Variants in PPARD observed in about 807,000 individuals in gnomAD.
PPARD encodes peroxisome proliferator-activated receptor delta.
In PPARD, 6 loss-of-function variants were observed where a neutral mutation model predicts 39.5. That is an observed-to-expected ratio of 0.15 (90% CI 0.08 to 0.30). The LOEUF is 0.30. PPARD is among the 10% of genes least tolerant of loss of function. The probability of loss-of-function intolerance (pLI) is 1.00; values close to 1 mark genes in which losing one functional copy is unlikely to be tolerated. For missense variants in PPARD, 397 were observed against 596.8 expected (o/e 0.67, Z 3.49); for synonymous variants, 210 against 231.3 (o/e 0.91, Z 0.83).
chr6:35,372,988 T>C (rs368746043), intron 2 of PPARD, among the ~76,000 whole-genome samples: 2 of 152,198 alleles, frequency 1.3e-5, no homozygotes, highest in Non-Finnish European at 2.9e-5. Context: ...GATCAAGGCA[T>C]TGGCAGACTT....
At chr6:35,411,822 C>T (rs1182271838) in intron 3 of PPARD, among the ~76,000 whole-genome samples, 1 of 152,138 alleles carries the variant, frequency 6.6e-6, no homozygotes, top group Non-Finnish European at 1.5e-5. Flanking sequence ...TTCTCTAGTA[C>T]CCTGTACTGT....
intron 2 of PPARD, among the ~76,000 whole-genome samples, chr6:35,406,300 G>C (rs773712171): frequency 1.3e-5 from 2 of 152,208 alleles, no homozygotes; most frequent in Non-Finnish European, 2.9e-5. Flanking sequence ...TGTGGTGGGT[G>C]GGGTGGCAGC....
At chr6:35,389,161 G>A (rs889454242) in intron 2 of PPARD, among the ~76,000 whole-genome samples, 2 of 152,164 alleles carry the variant, frequency 1.3e-5, no homozygotes, top group Admixed American at 6.5e-5. Context: ...AGCTTGGCCT[G>A]GACAACAGAG....
At chr6:35,398,096 A>G (rs1301239336) in intron 2 of PPARD, among the ~76,000 whole-genome samples, 1 of 152,190 alleles carries the variant, frequency 6.6e-6, no homozygotes, top group Non-Finnish European at 1.5e-5. Flanking sequence ...ACTTGCTGGC[A>G]GGTATTAAGA....
At chr6:35,384,157 C>T (rs1185824656) in intron 2 of PPARD, among the ~76,000 whole-genome samples, 1 of 140,782 alleles carries the variant, frequency 7.1e-6, no homozygotes, top group African/African-American at 2.7e-5. Flanking sequence ...CTGGCCACCC[C>T]TACTGGGAAG....
At chr6:35,382,449 G>A (rs1388482231) in intron 2 of PPARD, among the ~76,000 whole-genome samples, 1 of 152,120 alleles carries the variant, frequency 6.6e-6, no homozygotes, top group Non-Finnish European at 1.5e-5. Context: ...CAGAGGTCTT[G>A]GTATGCTATA....
At chr6:35,414,764 G>A (rs1174764605) in intron 3 of PPARD, among the ~76,000 whole-genome samples, 3 of 152,088 alleles carry the variant, frequency 2.0e-5, no homozygotes, top group Non-Finnish European at 1.5e-5. Context: ...GTCCCCTGAG[G>A]GACCCATAAG....
chr6:35,380,370 C>G (rs1359703665), intron 2 of PPARD, among the ~76,000 whole-genome samples: 5 of 151,724 alleles, frequency 3.3e-5, no homozygotes, highest in Admixed American at 6.6e-5. Flanking sequence ...GTCTCACCTC[C>G]CTTCTAAGGA....
intron 1 of PPARD, among the ~76,000 whole-genome samples, chr6:35,344,654 A>G (rs550609314): frequency 2.6e-5 from 4 of 152,246 alleles, no homozygotes; most frequent in Admixed American, 2.6e-4. Flanking sequence ...ACCTGGCCCC[A>G]GGTTTCTAGG....
chr6:35,416,964 CTTGT>C (rs1180460297), intron 3 of PPARD, among the ~76,000 whole-genome samples: 1 of 151,118 alleles, frequency 6.6e-6, no homozygotes, highest in Non-Finnish European at 1.5e-5. Flanking sequence ...CCTTGTTTTT[CTTGT>C]TTATTTATTT....
chr6:35,346,954 C>T (rs1792217958), intron 1 of PPARD, 113 bp from the exon 2 acceptor site: 6 of 619,892 alleles, frequency 9.7e-6, no homozygotes. Context: ...GACGAGGAGC[C>T]AGATTACCTT....
chr6:35,407,316 T>C (rs1316466418), intron 2 of PPARD, among the ~76,000 whole-genome samples: 1 of 151,686 alleles, frequency 6.6e-6, no homozygotes, highest in Non-Finnish European at 1.5e-5. Flanking sequence ...AAAAACAGAG[T>C]GTGTTCTCAT....
intron 2 of PPARD, among the ~76,000 whole-genome samples, chr6:35,399,177 C>T (rs955134455): frequency 6.6e-5 from 10 of 151,636 alleles, no homozygotes; most frequent in Admixed American, 2.0e-4. Flanking sequence ...CCGAGGTAGG[C>T]GGATAACTTG....
chr6:35,362,397 C>T (rs988117806), intron 2 of PPARD, among the ~76,000 whole-genome samples: 1 of 151,318 alleles, frequency 6.6e-6, no homozygotes, highest in African/African-American at 2.4e-5. Flanking sequence ...TGTGTCTCTC[C>T]CTGTCCCTGT....
intron 2 of PPARD, among the ~76,000 whole-genome samples, chr6:35,352,973 C>T (rs1342603319): frequency 6.6e-6 from 1 of 152,182 alleles, no homozygotes; most frequent in Non-Finnish European, 1.5e-5. Context: ...GGTGTGAATA[C>T]TAAGAGGCGT....
At chr6:35,371,559 G>T (rs552811917) in intron 2 of PPARD, among the ~76,000 whole-genome samples, 1 of 151,738 alleles carries the variant, frequency 6.6e-6, no homozygotes, top group South Asian at 2.1e-4. Flanking sequence ...CATTCTCTCA[G>T]TTTCCCGGAG....
At chr6:35,388,676 C>T (rs976461946) in intron 2 of PPARD, among the ~76,000 whole-genome samples, 1 of 152,026 alleles carries the variant, frequency 6.6e-6, no homozygotes, top group East Asian at 1.9e-4. Flanking sequence ...CGCGCCACTG[C>T]ACTCCAGCCT....
chr6:35,411,839 A>G (rs1249556484), intron 3 of PPARD, among the ~76,000 whole-genome samples: 1 of 151,990 alleles, frequency 6.6e-6, no homozygotes, highest in Non-Finnish European at 1.5e-5. Flanking sequence ...CTGTTCTGTC[A>G]TCTTCATCAT....
chr6:35,415,404 C>G (rs1166689252), intron 3 of PPARD, among the ~76,000 whole-genome samples: 2 of 152,238 alleles, frequency 1.3e-5, no homozygotes, highest in Admixed American at 1.3e-4. Context: ...ACAGCCATGA[C>G]AACGGCATTC....
Sources: gnomAD v4.1 joint callset for allele counts (sites outside exome capture counted in the v4.1 genomes callset) on GRCh38, gnomAD v4.1.1 for gene constraint, MANE v1.5 for transcripts, NCBI Gene and HGNC (gene_info 2026-07-23, HGNC 2026-07-21) for gene names.